The following DPP10 variants were observed in gnomAD, a reference collection of about 807,000 sequenced individuals.
The protein encoded by DPP10 is inactive dipeptidyl peptidase 10.
DPP10 carries 33 observed loss-of-function variants against 120.9 expected under a neutral mutation model. The ratio of observed to expected loss-of-function variants is 0.27; its 90% CI spans 0.21 to 0.37. DPP10 has a LOEUF of 0.37. Ranked by LOEUF, DPP10 falls within the 10% of genes least tolerant of loss-of-function variation. DPP10 has a pLI of 1.00. For missense variants in DPP10, 816 were observed against 942.8 expected (o/e 0.87, Z 1.76); for synonymous variants, 337 against 326.1 (o/e 1.03, Z -0.36).
chr2:114,544,851 T>C (rs552140571), intron 1 of DPP10, among the ~76,000 whole-genome samples: 1 of 151,832 alleles, frequency 6.6e-6, no homozygotes, highest in African/African-American at 2.4e-5. Flanking sequence ...TTTATGTCAA[T>C]ATATTAAATT....
At chr2:115,768,452 C>A in intron 13 of DPP10, 48 bp downstream of exon 13, 1 of 1,531,918 alleles carries the variant, frequency 6.5e-7, no homozygotes, top group African/African-American at 1.4e-5. Context: ...TCCTCATGTC[C>A]CCGAAGGCCC....
At chr2:115,005,003 G>A (rs1165305246) in intron 1 of DPP10, among the ~76,000 whole-genome samples, 2 of 152,004 alleles carry the variant, frequency 1.3e-5, no homozygotes, top group Admixed American at 1.3e-4. Context: ...GGTTCTCCCA[G>A]TAGGCAGCTG....
At chr2:115,147,862 G>C (rs1452356558) in intron 1 of DPP10, among the ~76,000 whole-genome samples, 1 of 152,074 alleles carries the variant, frequency 6.6e-6, no homozygotes, top group Non-Finnish European at 1.5e-5. Context: ...ATGTCCTCAG[G>C]GATGTACAAA....
At chr2:115,401,536 T>C (rs1452594332) in intron 3 of DPP10, among the ~76,000 whole-genome samples, 5 of 152,122 alleles carry the variant, frequency 3.3e-5, no homozygotes, top group Admixed American at 1.3e-4. Flanking sequence ...TGAGCTGTGA[T>C]CAAGCTATCA....
chr2:115,416,478 C>A (rs2069443101), intron 3 of DPP10, among the ~76,000 whole-genome samples: 2 of 151,976 alleles, frequency 1.3e-5, no homozygotes, highest in Non-Finnish European at 2.9e-5. Flanking sequence ...CTAAGTCTAG[C>A]CAAAGCAGGT....
intron 1 of DPP10, among the ~76,000 whole-genome samples, chr2:115,223,632 A>G (rs1490661153): frequency 6.6e-6 from 1 of 152,182 alleles, no homozygotes; most frequent in Non-Finnish European, 1.5e-5. Flanking sequence ...GAAATAAACA[A>G]CAACAAAAAG....
rs561834766 is a variant in DPP10 at position 114,489,362 on chromosome 2, G to T, written c.60+46524G>T. 3.8e-3 allele frequency among the ~76,000 whole-genome samples: 576 copies of T among 152,294 alleles called. 3 individuals carry two copies. Among genetic ancestry groups the T allele is most frequent in the African/African-American group, 0.013 (547 of 41,568 alleles). On this transcript the variant is annotated intron_variant, in intron 1 of 25. Coordinates refer to ENST00000410059, the MANE Select transcript of DPP10 (RefSeq NM_020868.6). ...ACAGCCCTGGCCCATGAAACAAAGG[G>T]CAGAAGCTTCCCAACCACATGCGGA...
At chr2:115,626,597 T>C (rs1371106367) in intron 5 of DPP10, among the ~76,000 whole-genome samples, 2 of 152,158 alleles carry the variant, frequency 1.3e-5, no homozygotes, top group Non-Finnish European at 2.9e-5. Flanking sequence ...TTGTTTTCTG[T>C]ATATATTGTA....
At chr2:115,328,755 T>A (rs2062516689) in intron 2 of DPP10, among the ~76,000 whole-genome samples, 1 of 152,122 alleles carries the variant, frequency 6.6e-6, no homozygotes, top group African/African-American at 2.4e-5. Context: ...CTCTTCTCTA[T>A]CCTGAAAGAG....
chr2:115,116,051 A>C (rs1559113218), intron 1 of DPP10, among the ~76,000 whole-genome samples: 1 of 152,224 alleles, frequency 6.6e-6, no homozygotes, highest in Non-Finnish European at 1.5e-5. Context: ...TGCATACTAC[A>C]CAATTCATAT....
At chr2:115,186,714 A>C (rs1261240867) in intron 1 of DPP10, among the ~76,000 whole-genome samples, 1 of 152,150 alleles carries the variant, frequency 6.6e-6, no homozygotes, top group Non-Finnish European at 1.5e-5. Flanking sequence ...CAGTTCTAGG[A>C]GGTGGTGTGT....
At position 114,642,635 on chromosome 2, in the gene DPP10, G is replaced by A. The variant is rs181283599; in HGVS notation, c.60+199797G>A. On this transcript the variant is annotated intron_variant, in intron 1 of 25. Coordinates refer to ENST00000410059, the MANE Select transcript of DPP10 (RefSeq NM_020868.6). ...TACCACAGTAAAATAAATGACTATCGAGAAAGCAGGAGGAACAGCTCACCA... is the reference window on the plus strand; with the variant it reads ...TACCACAGTAAAATAAATGACTATCAAGAAAGCAGGAGGAACAGCTCACCA... Among the ~76,000 whole-genome samples the A allele has an allele frequency of 3.0e-3, 455 of 151,674 alleles. 16 individuals are homozygous for A. Among genetic ancestry groups the A allele is most frequent in the African/African-American group, 0.01 (427 of 41,098 alleles).
At chr2:114,849,307 A>G (rs1267308159) in intron 1 of DPP10, among the ~76,000 whole-genome samples, 1 of 152,000 alleles carries the variant, frequency 6.6e-6, no homozygotes, top group Non-Finnish European at 1.5e-5. Flanking sequence ...CTATGAGTTT[A>G]TGTCTGCAGG....
At chr2:115,596,393 A>C (rs1473185908) in intron 5 of DPP10, among the ~76,000 whole-genome samples, 1 of 152,174 alleles carries the variant, frequency 6.6e-6, no homozygotes, top group African/African-American at 2.4e-5. Flanking sequence ...TATTTGATTT[A>C]AGTATTTTTT....
chr2:114,791,935 G>A (rs189995450), intron 1 of DPP10, among the ~76,000 whole-genome samples: 51 of 152,184 alleles, frequency 3.4e-4, no homozygotes, highest in African/African-American at 9.9e-4. Context: ...ATCAGCCTTC[G>A]CACTTTTCTT....
chr2:115,336,166 T>C (rs2063117405), intron 2 of DPP10, among the ~76,000 whole-genome samples: 1 of 151,904 alleles, frequency 6.6e-6, no homozygotes, highest in Non-Finnish European at 1.5e-5. Flanking sequence ...TCATCTAAGA[T>C]TATGCAGCCA....
At chr2:114,857,556 C>T (rs571132264) in intron 1 of DPP10, among the ~76,000 whole-genome samples, 1 of 152,294 alleles carries the variant, frequency 6.6e-6, no homozygotes, top group Admixed American at 6.5e-5. Flanking sequence ...CTGTAGTTCA[C>T]TTCCCTTGCT....
intron 7 of DPP10, among the ~76,000 whole-genome samples, chr2:115,691,569 A>G (rs1035225788): frequency 6.6e-6 from 1 of 152,002 alleles, no homozygotes; most frequent in African/African-American, 2.4e-5. Flanking sequence ...TGGTTTGTCT[A>G]TTAGTGTGCT....
At position 114,912,954 on chromosome 2, in the gene DPP10, C is replaced by T. The variant is rs570067035; in HGVS notation, c.61-396285C>T. On this transcript the variant is annotated intron_variant, in intron 1 of 25. Transcript: ENST00000410059. ...ATCCTCCAAGGCTTGCCATGCTCCT[C>T]TAGGTGGCTTTAGCCTGTGTTGGCT... 2.6e-5 allele frequency among the ~76,000 whole-genome samples: 4 copies of T among 152,314 alleles called. No individual in the cohort carries two copies. The East Asian group carries it at 5.8e-4, about 22-fold the overall frequency.
Sources: allele counts gnomAD v4.1 joint callset (sites outside exome capture counted in the v4.1 genomes callset), GRCh38; gene constraint gnomAD v4.1.1; transcripts MANE v1.5; gene names NCBI Gene and HGNC (gene_info 2026-07-23, HGNC 2026-07-21).